ELAPOR2: variants seen among roughly 807,000 people sequenced by gnomAD.
The protein encoded by ELAPOR2 is endosome/lysosome-associated apoptosis and autophagy regulator family member 2.
In ELAPOR2, 89 loss-of-function variants were observed where a neutral mutation model predicts 120.7. That is an observed-to-expected ratio of 0.74 (90% CI 0.62 to 0.88). The LOEUF (loss-of-function observed/expected upper bound fraction) is 0.88, where lower values mean the gene tolerates loss of function less well. ELAPOR2 is among the 40% of genes least tolerant of loss of function. The probability of loss-of-function intolerance (pLI) is 0.00; values close to 1 mark genes in which losing one functional copy is unlikely to be tolerated. For missense variants in ELAPOR2, 1,134 were observed against 1,251.6 expected (o/e 0.91, Z 1.42); for synonymous variants, 444 against 444.9 (o/e 1.00, Z 0.03).
intron 1 of ELAPOR2, among the ~76,000 whole-genome samples, chr7:86,994,901 C>T (rs1241997137): frequency 6.6e-6 from 1 of 150,498 alleles, no homozygotes; most frequent in Non-Finnish European, 1.5e-5. Context: ...GTTAGAATAC[C>T]TTAGGTTACA....
intron 1 of ELAPOR2, among the ~76,000 whole-genome samples, chr7:86,980,705 C>T (rs1469934701): frequency 2.0e-5 from 3 of 152,092 alleles, no homozygotes; most frequent in African/African-American, 7.2e-5. Context: ...CCTTCCTACT[C>T]TCCAAAACAA....
intron 15 of ELAPOR2, among the ~76,000 whole-genome samples, chr7:86,911,105 G>T (rs1297159938): frequency 6.6e-6 from 1 of 152,112 alleles, no homozygotes; most frequent in Non-Finnish European, 1.5e-5. Context: ...GGAAAAAGAG[G>T]TAGTGCTAAT....
At position 86,990,664 on chromosome 7, in the gene ELAPOR2, G is replaced by A. The variant is rs901045029; in HGVS notation, c.190-25640C>T. 2.0e-5 allele frequency among the ~76,000 whole-genome samples: 3 copies of A among 152,078 alleles called. No homozygotes were observed. In the South Asian group the frequency reaches 6.2e-4, roughly 32 times the overall value. On this transcript the variant is annotated intron_variant, in intron 1 of 21. Coordinates refer to ENST00000450689, the MANE Select transcript of ELAPOR2 (RefSeq NM_001142749.3). ...TTGAGCTAGCAGTTACTCTTCTCAG[G>A]AAGATTAAAAAAATGGTTCAGAGAT...
chr7:87,024,413 C>G (rs1442783839), intron 1 of ELAPOR2, among the ~76,000 whole-genome samples: 1 of 152,136 alleles, frequency 6.6e-6, no homozygotes, highest in Non-Finnish European at 1.5e-5. Context: ...AGGGATGAAG[C>G]CCACTTGATC....
rs1201377574 is a variant in ELAPOR2, at chr7:86,877,517, T to A, written c.*2954A>T. The A allele has an allele frequency of 6.6e-6, 1 of 152,198 alleles. No homozygotes were observed. The highest frequency in any genetic ancestry group is 1.5e-5 in the Non-Finnish European group (1 of 68,028). 9.4% of individuals were successfully genotyped at this position (152,198 alleles called of 1,614,324 possible). On this transcript the variant is annotated 3_prime_UTR_variant, in exon 22 of 22. Transcript: ENST00000450689. ...GCAGTACACTCACTTTAAACATGGC[T>A]AATGAAGTCATCCTCTCACAGCAAC...
intron 1 of ELAPOR2, among the ~76,000 whole-genome samples, chr7:87,021,178 T>A (rs1366615395): frequency 1.3e-5 from 2 of 152,116 alleles, no homozygotes; most frequent in Non-Finnish European, 2.9e-5. Flanking sequence ...CCCTCTCAAC[T>A]GCTTTAACTG....
chr7:87,047,886 C>A (rs941834691), intron 1 of ELAPOR2, among the ~76,000 whole-genome samples: 7 of 152,180 alleles, frequency 4.6e-5, no homozygotes, highest in Admixed American at 4.6e-4. Context: ...GTTTGTTGCA[C>A]AACTGTTCAC....
chr7:87,037,255 T>TG (rs1794617312), intron 1 of ELAPOR2, among the ~76,000 whole-genome samples: 1 of 152,150 alleles, frequency 6.6e-6, no homozygotes, highest in African/African-American at 2.4e-5. Context: ...GCTGCACTCC[T>TG]GTACATCCAC....
intron 1 of ELAPOR2, among the ~76,000 whole-genome samples, chr7:87,005,853 A>G (rs1583981646): frequency 2.0e-5 from 3 of 152,320 alleles, no homozygotes; most frequent in Admixed American, 2.0e-4. Flanking sequence ...CATGATCAAG[A>G]GTAGGAAAGA....
At position 87,036,322 on chromosome 7, in the gene ELAPOR2, A is replaced by C. The variant is rs559394477; in HGVS notation, c.189+23003T>G. 2.0e-5 allele frequency among the ~76,000 whole-genome samples: 3 copies of C among 152,262 alleles called. No homozygotes were observed. In the South Asian group the frequency reaches 6.2e-4, roughly 32 times the overall value. ...AACCCTGTCTATACAAAATAATAATAATAATACAAAAATTAGCAAGGCATG... is the reference window on the plus strand; with the variant it reads ...AACCCTGTCTATACAAAATAATAATCATAATACAAAAATTAGCAAGGCATG... On this transcript the variant is annotated intron_variant, in intron 1 of 21. Transcript: ENST00000450689.
chr7:86,895,130 T>C (rs1177074900), intron 19 of ELAPOR2, among the ~76,000 whole-genome samples: 1 of 152,078 alleles, frequency 6.6e-6, no homozygotes, highest in Non-Finnish European at 1.5e-5. Context: ...AATGTAAATA[T>C]ACCCATTGCA....
intron 8 of ELAPOR2, among the ~76,000 whole-genome samples, chr7:86,932,085 C>T (rs2116274999): frequency 6.6e-6 from 1 of 151,918 alleles, no homozygotes; most frequent in Non-Finnish European, 1.5e-5. Flanking sequence ...GCTATGGGCT[C>T]ATGATTCAAG....
chr7:86,889,570 C>G (rs558682155), intron 21 of ELAPOR2, among the ~76,000 whole-genome samples: 2 of 151,762 alleles, frequency 1.3e-5, no homozygotes, highest in South Asian at 4.2e-4. Flanking sequence ...GATTTACTTC[C>G]GGGGGGGACA....
At chr7:86,996,012 C>A (rs1793110752) in intron 1 of ELAPOR2, among the ~76,000 whole-genome samples, 1 of 152,032 alleles carries the variant, frequency 6.6e-6, no homozygotes, top group South Asian at 2.1e-4. Context: ...CTTCCCAGAG[C>A]CAAAACCTTA....
intron 1 of ELAPOR2, among the ~76,000 whole-genome samples, chr7:86,981,189 G>A (rs1224843288): frequency 1.3e-5 from 2 of 152,102 alleles, no homozygotes; most frequent in Admixed American, 1.3e-4. Context: ...CCCTTAAATT[G>A]GTCCATACCT....
At chr7:86,950,620 C>T (rs1051658885) in intron 2 of ELAPOR2, among the ~76,000 whole-genome samples, 5 of 152,198 alleles carry the variant, frequency 3.3e-5, no homozygotes, top group Non-Finnish European at 5.9e-5. Context: ...CTCCCCCCAC[C>T]GCAGCTGTCA....
chr7:86,920,537 G>A (rs1020048811), intron 10 of ELAPOR2, among the ~76,000 whole-genome samples: 4 of 152,156 alleles, frequency 2.6e-5, no homozygotes, highest in African/African-American at 9.7e-5. Context: ...AAGGCATGAG[G>A]AGGGATAGAA....
At chr7:87,015,120 G>T (rs1334225581) in intron 1 of ELAPOR2, among the ~76,000 whole-genome samples, 1 of 152,040 alleles carries the variant, frequency 6.6e-6, no homozygotes, top group Non-Finnish European at 1.5e-5. Flanking sequence ...ATATTCACAA[G>T]AAATAACCAT....
chr7:86,975,374 GTTAT>G (rs1353343000), intron 1 of ELAPOR2, among the ~76,000 whole-genome samples: 2 of 152,202 alleles, frequency 1.3e-5, no homozygotes, highest in East Asian at 1.9e-4. Context: ...AAATAAGTGA[GTTAT>G]TTAAGTTCTT....
Sources: gnomAD v4.1 joint callset for allele counts (sites outside exome capture counted in the v4.1 genomes callset) on GRCh38, gnomAD v4.1.1 for gene constraint, MANE v1.5 for transcripts, NCBI Gene and HGNC (gene_info 2026-07-23, HGNC 2026-07-21) for gene names.